The following GLB1 variants were observed in gnomAD, a reference collection of about 807,000 sequenced individuals.
GLB1 encodes the protein beta-galactosidase.
A neutral mutation model predicts 74.0 loss-of-function variants in GLB1; 56 were observed. That is an observed-to-expected ratio of 0.76 (90% CI 0.61 to 0.94). GLB1 has a LOEUF of 0.94. Ranked by LOEUF, GLB1 falls within the 40% of genes least tolerant of loss-of-function variation. GLB1 has a pLI of 0.00. For synonymous variants in GLB1, 323 were observed against 323.6 expected (o/e 1.00, Z 0.02); for missense variants, 787 against 845.5 (o/e 0.93, Z 0.86).
At chr3:32,974,191 G>T in the GLB1 span, among the ~76,000 whole-genome samples, 1 of 152,148 alleles carries the variant, frequency 6.6e-6, no homozygotes, top group Non-Finnish European at 1.5e-5. Context: ...ACTAACAGAA[G>T]ACCTGATTTT....
At chr3:33,032,078 G>C (rs1026511508) in intron 10 of GLB1, among the ~76,000 whole-genome samples, 1 of 151,972 alleles carries the variant, frequency 6.6e-6, no homozygotes, top group Admixed American at 6.6e-5. Context: ...GATTACACAC[G>C]TGAGCCACTG....
At chr3:33,027,417 C>A (rs1039748881) in intron 10 of GLB1, among the ~76,000 whole-genome samples, 13 of 152,234 alleles carry the variant, frequency 8.5e-5, no homozygotes, top group Admixed American at 3.9e-4. Flanking sequence ...GTGCAGCCTG[C>A]CAGGCCGAGT....
Position 33,019,967 on chromosome 3 carries a change from C to T in GLB1, c.1234-1406G>A, listed in dbSNP as rs1354525505. Among the ~76,000 whole-genome samples the T allele has an allele frequency of 5.3e-5, 8 of 152,152 alleles. No homozygotes were observed. In the East Asian group the frequency reaches 1.5e-3, roughly 29 times the overall value. On this transcript the variant is annotated intron_variant, in intron 12 of 15. Coordinates refer to ENST00000307363, the MANE Select transcript of GLB1 (RefSeq NM_000404.4). ...GCCCCACCCAATCTGAGAGCACTAC[C>T]TTGGCCAAAGATCAGAAAGCAGAAG...
At chr3:32,993,887 T>C (rs1192492703), downstream of GLB1, among the ~76,000 whole-genome samples, 1 of 152,048 alleles carries the variant, frequency 6.6e-6, no homozygotes, top group Non-Finnish European at 1.5e-5. Context: ...CAGCCTAGTC[T>C]CGAATTCCTG....
chr3:33,066,721 T>G (rs1217667646), intron 4 of GLB1, among the ~76,000 whole-genome samples: 1 of 152,168 alleles, frequency 6.6e-6, no homozygotes, highest in Non-Finnish European at 1.5e-5. Context: ...AGGCTTTTTT[T>G]CCGTATAAAA....
chr3:33,057,030 C>T (rs897531698), intron 6 of GLB1, among the ~76,000 whole-genome samples: 2 of 152,196 alleles, frequency 1.3e-5, no homozygotes, highest in African/African-American at 4.8e-5. Flanking sequence ...GAACTATAAT[C>T]CCCAGTGTTG....
chr3:33,077,024 G>A (rs1700133528), intron 1 of GLB1: 1 of 1,255,026 alleles, frequency 8.0e-7, no homozygotes, highest in Non-Finnish European at 1.0e-6. Flanking sequence ...AGGAGTTCAA[G>A]ACCAGTCTGG....
At chr3:32,961,472 C>A in the GLB1 span, among the ~76,000 whole-genome samples, 1,857 of 152,148 alleles carry the variant, frequency 0.012, 43 homozygotes, top group African/African-American at 0.042. Flanking sequence ...TCTCCTGGCC[C>A]CAGTTTGGTT....
chr3:33,069,856 T>C (rs1276089182), intron 2 of GLB1, among the ~76,000 whole-genome samples: 1 of 152,178 alleles, frequency 6.6e-6, no homozygotes, highest in Non-Finnish European at 1.5e-5. Flanking sequence ...ATGTGCAGGT[T>C]TGTTATACAG....
intron 15 of GLB1, among the ~76,000 whole-genome samples, chr3:33,010,920 G>C (rs939879020): frequency 1.3e-5 from 2 of 152,152 alleles, no homozygotes; most frequent in Non-Finnish European, 2.9e-5. Flanking sequence ...GCAGTGGCAT[G>C]CTCTTGGCTC....
At chr3:33,083,178 A>C (rs1469394569) in intron 1 of GLB1, among the ~76,000 whole-genome samples, 2 of 152,140 alleles carry the variant, frequency 1.3e-5, no homozygotes, top group Non-Finnish European at 2.9e-5. Flanking sequence ...CAGGTGGATC[A>C]CCTGAGGTCA....
At chr3:32,968,443 GA>G in the GLB1 span, among the ~76,000 whole-genome samples, 4 of 151,118 alleles carry the variant, frequency 2.6e-5, no homozygotes, top group South Asian at 2.1e-4. Context: ...AAAGTGTCAA[GA>G]AAAAAAAAGC....
intron 1 of GLB1, among the ~76,000 whole-genome samples, chr3:33,095,210 CAAAAAAAA>C (rs71630565): frequency 0.23 from 17,397 of 77,228 alleles, 1,117 homozygotes; most frequent in Admixed American, 0.31. Flanking sequence ...GACTCTGTCT[CAAAAAAAA>C]AAAAAAAAAA....
intron 13 of GLB1, among the ~76,000 whole-genome samples, 163 bp downstream of exon 13, chr3:33,018,285 C>CAAAAAAAAAAAAAAAAAA (rs57833238): frequency 7.1e-5 from 3 of 41,970 alleles, no homozygotes; most frequent in Non-Finnish European, 1.1e-4. Flanking sequence ...AACCCTGTCT[C>CAAAAAAAAAAAAAAAAAA]AAAAAAAAAA....
Position 33,064,454 on chromosome 3 carries a change from A to AC in GLB1, c.552+1008_552+1009insG, listed in dbSNP as rs1699583045. On this transcript the variant is annotated intron_variant, in intron 5 of 15. Coordinates refer to ENST00000307363, the MANE Select transcript of GLB1 (RefSeq NM_000404.4). ...GACTCTGTCTCCTAAAAAAAAAAAC[A>AC]AAAAACCTTTACTCTTTTCCATAAG... 5.7e-5 allele frequency among the ~76,000 whole-genome samples: 7 copies of AC among 123,212 alleles called. No individual in the cohort carries two copies. In the Admixed American group the frequency reaches 5.8e-4, roughly 10 times the overall value. The allele number at this position is 123,212 out of a possible 152,430, so 80.8% of individuals were successfully genotyped here.
rs200229955 is a variant in GLB1 at position 33,055,768 on chromosome 3, GT to G, written c.734-2220del. On this transcript the variant is annotated intron_variant, in intron 6 of 15. Transcript: ENST00000307363. ...AGGTAGGAGGCACTGCGCTGGGCCCGTTTTTTTTTTTTAAAAGGCAAAAACT... is the reference window on the plus strand; with the variant it reads ...AGGTAGGAGGCACTGCGCTGGGCCCGTTTTTTTTTTTAAAAGGCAAAAACT... Among the ~76,000 whole-genome samples, 1,202 of 143,034 alleles carry G rather than the reference GT, an allele frequency of 8.4e-3. 16 individuals carry two copies. Among genetic ancestry groups the G allele is most frequent in the African/African-American group, 0.026 (1,040 of 39,364 alleles). The allele number at this position is 143,034 out of a possible 152,430, so 93.8% of individuals were successfully genotyped here. A position where few individuals can be genotyped will look rare whatever the true frequency, so the allele number is the denominator to read the frequency against.
chr3:32,977,267 C>CGCAATCTCGGCTCACT, the GLB1 span, among the ~76,000 whole-genome samples: 2 of 148,738 alleles, frequency 1.3e-5, no homozygotes, highest in Non-Finnish European at 3.0e-5. Flanking sequence ...AGTGCAGTGG[C>CGCAATCTCGGCTCACT]GCAATCTCGG....
intron 3 of GLB1, 60 bp downstream of exon 3, chr3:33,068,760 C>T: frequency 1.2e-6 from 2 of 1,612,140 alleles, no homozygotes; most frequent in Non-Finnish European, 1.7e-6. Context: ...TCCCTTTGCC[C>T]CAGAGCTGCT....
chr3:33,012,835 A>G (rs1399502132), intron 15 of GLB1, among the ~76,000 whole-genome samples: 1 of 152,082 alleles, frequency 6.6e-6, no homozygotes, highest in Non-Finnish European at 1.5e-5. Flanking sequence ...TATTGATCCA[A>G]CTTTGAACAT....
Sources: gnomAD v4.1 joint callset for allele counts (sites outside exome capture counted in the v4.1 genomes callset) on GRCh38, gnomAD v4.1.1 for gene constraint, MANE v1.5 for transcripts, NCBI Gene and HGNC (gene_info 2026-07-23, HGNC 2026-07-21) for gene names.